The following STPG4 variants were observed in gnomAD, a reference collection of about 807,000 sequenced individuals.
STPG4 encodes sperm-tail PG-rich repeat containing 4.
Under a neutral mutation model 31.5 loss-of-function variants are expected in STPG4, and 41 were observed. The ratio of observed to expected loss-of-function variants is 1.30; its 90% CI spans 1.01 to 1.69. STPG4 has a LOEUF of 1.69. STPG4 is among the 40% of genes most tolerant of loss of function. The pLI, the probability that STPG4 is intolerant of heterozygous loss-of-function variation, is 0.00. For missense variants in STPG4, 375 were observed against 293.4 expected (o/e 1.28, Z -2.03); for synonymous variants, 141 against 103.0 (o/e 1.37, Z -2.24).
At chr2:47,096,290 T>C (rs768502316) in intron 5 of STPG4, among the ~76,000 whole-genome samples, 3 of 152,170 alleles carry the variant, frequency 2.0e-5, no homozygotes, top group Non-Finnish European at 4.4e-5. Context: ...TAAACCCATC[T>C]GGTCCAAGGG....
intron 5 of STPG4, among the ~76,000 whole-genome samples, chr2:47,116,783 G>A (rs1486020868): frequency 6.6e-6 from 1 of 152,184 alleles, no homozygotes; most frequent in Admixed American, 6.5e-5. Flanking sequence ...GCATTTAGAA[G>A]AGGACATGTG....
At chr2:47,104,116 C>A (rs1051937222) in intron 5 of STPG4, among the ~76,000 whole-genome samples, 1 of 151,894 alleles carries the variant, frequency 6.6e-6, no homozygotes, top group Non-Finnish European at 1.5e-5. Context: ...GAACAAGTTA[C>A]CCATTTGTTG....
At chr2:47,123,696 T>C (rs1345427109) in intron 5 of STPG4, among the ~76,000 whole-genome samples, 1 of 150,542 alleles carries the variant, frequency 6.6e-6, no homozygotes, top group African/African-American at 2.4e-5. Flanking sequence ...AGATATACTT[T>C]ATGTATATCT....
chr2:47,114,295 C>T (rs548481932), intron 5 of STPG4, among the ~76,000 whole-genome samples: 1 of 151,488 alleles, frequency 6.6e-6, no homozygotes, highest in Non-Finnish European at 1.5e-5. Flanking sequence ...GCTTGAGGCC[C>T]GGAGTTCGAG....
intron 3 of STPG4, among the ~76,000 whole-genome samples, chr2:47,136,366 T>G (rs1686596981): frequency 6.6e-6 from 1 of 152,162 alleles, no homozygotes; most frequent in African/African-American, 2.4e-5. Flanking sequence ...CAGGCTGGTC[T>G]CAAACTCCTG....
chr2:47,136,549 C>G (rs1686601691), intron 3 of STPG4, among the ~76,000 whole-genome samples: 1 of 152,168 alleles, frequency 6.6e-6, no homozygotes, highest in Non-Finnish European at 1.5e-5. Context: ...TTTCGGCGTC[C>G]TAATGTGAAG....
Position 47,151,442 on chromosome 2 carries a change from G to T in STPG4, c.215C>A (p.Thr72Asn). ...EESLLNPVIA[T>N]YNFKNEGRKK... ...CCTTCCTTCGTTTTTAAAATTGTAG[G>T]TTGCTATCACTGGATTTAATAGGGA... Residue 72 changes from threonine to asparagine, a missense_variant, in exon 3 of 7, where the codon ACC (threonine) becomes AAC (asparagine). By Grantham distance (65) the Thr-to-Asn change is moderately conservative. Transcript: ENST00000445927. 6.2e-7 allele frequency: 1 copy of T among 1,614,052 alleles called. No individual in the cohort carries two copies. The highest frequency in any genetic ancestry group is 8.5e-7 in the Non-Finnish European group (1 of 1,179,922).
At chr2:47,131,026 C>T (rs1450840289) in intron 3 of STPG4, among the ~76,000 whole-genome samples, 1 of 151,960 alleles carries the variant, frequency 6.6e-6, no homozygotes, top group Non-Finnish European at 1.5e-5. Context: ...GTTGCCCGGG[C>T]TGGTCTTGAA....
intron 3 of STPG4, among the ~76,000 whole-genome samples, chr2:47,140,688 G>C (rs1558686697): frequency 1.3e-5 from 2 of 152,132 alleles, no homozygotes; most frequent in Non-Finnish European, 2.9e-5. Flanking sequence ...CTTGTTGTTA[G>C]GATGGAACTT....
At chr2:47,093,453 T>G (rs1354140456) in intron 5 of STPG4, among the ~76,000 whole-genome samples, 1 of 152,202 alleles carries the variant, frequency 6.6e-6, no homozygotes, top group East Asian at 1.9e-4. Context: ...CCTCTCAGTT[T>G]GGCCATAAAG....
intron 5 of STPG4, among the ~76,000 whole-genome samples, chr2:47,100,757 A>G (rs1265650925): frequency 2.0e-5 from 3 of 151,494 alleles, no homozygotes; most frequent in Non-Finnish European, 2.9e-5. Context: ...AACTCCAGAC[A>G]CGCCACCTTA....
At chr2:47,097,943 C>G (rs930326278) in intron 5 of STPG4, among the ~76,000 whole-genome samples, 12 of 145,260 alleles carry the variant, frequency 8.3e-5, no homozygotes, top group Admixed American at 2.1e-4. Context: ...CATGGTGAAA[C>G]CCCATCTCTT....
chr2:47,144,375 T>C (rs902244578), intron 3 of STPG4, among the ~76,000 whole-genome samples: 3 of 152,150 alleles, frequency 2.0e-5, no homozygotes, highest in Non-Finnish European at 4.4e-5. Context: ...AAGAAAACTA[T>C]GCAGCTATTA....
In STPG4 at chr2:47,111,210, T is replaced by C. The variant is rs963178574; in HGVS notation, c.519+18731A>G. Among the ~76,000 whole-genome samples the C allele has an allele frequency of 5.3e-5, 8 of 152,134 alleles. No individual in the cohort carries two copies. In the South Asian group the frequency reaches 1.4e-3, roughly 28 times the overall value. ...CTGTATAGTCTCAATGCCAAGTAGA[T>C]GTTGGTGGTGGTGGGGAGGGGTGGT... On this transcript the variant is annotated intron_variant, in intron 5 of 6. Transcript: ENST00000445927.
chr2:47,147,071 C>T (rs560287961), intron 3 of STPG4, among the ~76,000 whole-genome samples: 5 of 152,148 alleles, frequency 3.3e-5, no homozygotes, highest in South Asian at 2.1e-4. Flanking sequence ...CCTGGGGAAT[C>T]GAGGCTGCAG....
intron 5 of STPG4, among the ~76,000 whole-genome samples, chr2:47,106,340 C>T (rs1685909918): frequency 1.3e-5 from 2 of 151,834 alleles, no homozygotes; most frequent in South Asian, 4.2e-4. Flanking sequence ...CAGACCTTAT[C>T]AGTACCCCTC....
intron 5 of STPG4, among the ~76,000 whole-genome samples, chr2:47,100,929 G>A (rs973813997): frequency 5.3e-5 from 8 of 151,792 alleles, no homozygotes; most frequent in African/African-American, 9.7e-5. Context: ...GAGGGTCCGC[G>A]GCTTCATTCT....
At chr2:47,114,399 C>G (rs1051854206) in intron 5 of STPG4, among the ~76,000 whole-genome samples, 4 of 151,442 alleles carry the variant, frequency 2.6e-5, no homozygotes, top group Non-Finnish European at 5.9e-5. Context: ...CTCAGCTACT[C>G]GGGATGTTGA....
chr2:47,140,477 C>A (rs1040295484), intron 3 of STPG4, among the ~76,000 whole-genome samples: 1 of 152,110 alleles, frequency 6.6e-6, no homozygotes, highest in Non-Finnish European at 1.5e-5. Context: ...CACTTAGCCT[C>A]CAGCAATTCT....
Sources: allele counts gnomAD v4.1 joint callset (sites outside exome capture counted in the v4.1 genomes callset), GRCh38; gene constraint gnomAD v4.1.1; transcripts MANE v1.5; gene names NCBI Gene and HGNC (gene_info 2026-07-23, HGNC 2026-07-21).